ZMAT4: variants seen among roughly 807,000 people sequenced by gnomAD.
ZMAT4 encodes the protein zinc finger matrin-type protein 4.
A neutral mutation model predicts 28.7 loss-of-function variants in ZMAT4; 17 were observed. The ratio of observed to expected loss-of-function variants is 0.59; its 90% CI spans 0.41 to 0.89. ZMAT4 has a LOEUF of 0.89. Ranked by LOEUF, ZMAT4 falls within the 40% of genes least tolerant of loss-of-function variation. The pLI is 0.00. For missense variants in ZMAT4, 240 were observed against 283.8 expected (o/e 0.85, Z 1.11); for synonymous variants, 117 against 109.2 (o/e 1.07, Z -0.44).
intron 1 of ZMAT4, among the ~76,000 whole-genome samples, chr8:40,831,651 C>A (rs1342060176): frequency 1.3e-5 from 2 of 152,236 alleles, no homozygotes; most frequent in Non-Finnish European, 2.9e-5. Context: ...ACTTTCCACC[C>A]ATACTATCCC....
intron 2 of ZMAT4, among the ~76,000 whole-genome samples, chr8:40,806,319 CT>C (rs1815083663): frequency 6.6e-6 from 1 of 152,152 alleles, no homozygotes; most frequent in South Asian, 2.1e-4. Context: ...GTTTCTTTCT[CT>C]TTTTCTTTCT....
chr8:40,732,931 G>A (rs1199126917), intron 3 of ZMAT4, among the ~76,000 whole-genome samples: 11 of 134,958 alleles, frequency 8.2e-5, no homozygotes, highest in Admixed American at 1.8e-4. Flanking sequence ...CTGCATCTTC[G>A]AACTCCTGGG....
intron 3 of ZMAT4, among the ~76,000 whole-genome samples, chr8:40,749,973 A>G (rs564504298): frequency 3.4e-4 from 52 of 152,334 alleles, no homozygotes; most frequent in African/African-American, 1.2e-3. Flanking sequence ...GGGCAGGTGC[A>G]CAGTAGGGGT....
At chr8:40,714,572 C>G (rs1810762902) in intron 3 of ZMAT4, among the ~76,000 whole-genome samples, 1 of 152,118 alleles carries the variant, frequency 6.6e-6, no homozygotes, top group African/African-American at 2.4e-5. Context: ...GGTGTCAACC[C>G]TCCACCAGGC....
chr8:40,743,267 A>G (rs191188584), intron 3 of ZMAT4, among the ~76,000 whole-genome samples: 8 of 152,278 alleles, frequency 5.3e-5, no homozygotes, highest in Admixed American at 3.9e-4. Context: ...GCTTTAAAAC[A>G]TTTATTTGAT....
intron 2 of ZMAT4, among the ~76,000 whole-genome samples, chr8:40,798,843 A>G (rs1452677067): frequency 6.6e-6 from 1 of 152,134 alleles, no homozygotes; most frequent in Non-Finnish European, 1.5e-5. Context: ...TTAGCAGCAT[A>G]CAGACTTTCC....
intron 5 of ZMAT4, among the ~76,000 whole-genome samples, chr8:40,615,000 G>C (rs555975520): frequency 4.6e-4 from 70 of 152,290 alleles, no homozygotes; most frequent in African/African-American, 1.7e-3. Context: ...CTCTTTAGTT[G>C]ATGCAGTTTC....
intron 5 of ZMAT4, among the ~76,000 whole-genome samples, chr8:40,613,452 G>A (rs995934109): frequency 9.2e-5 from 14 of 152,012 alleles, no homozygotes; most frequent in South Asian, 2.1e-4. Flanking sequence ...CTAAAGTGCT[G>A]GGATTGCAAG....
At chr8:40,885,645 G>A (rs537722682) in intron 1 of ZMAT4, among the ~76,000 whole-genome samples, 13 of 152,274 alleles carry the variant, frequency 8.5e-5, no homozygotes, top group South Asian at 4.1e-4. Flanking sequence ...CTGAGCAATC[G>A]TTTTAAATCA....
chr8:40,575,156 C>T (rs1804219532), intron 6 of ZMAT4, among the ~76,000 whole-genome samples: 1 of 152,124 alleles, frequency 6.6e-6, no homozygotes, highest in Non-Finnish European at 1.5e-5. Flanking sequence ...GCAGGGAAGT[C>T]AACCCCAGGC....
chr8:40,727,472 C>T lies in ZMAT4; in HGVS notation c.193-30071G>A, dbSNP rs190709762. Among the ~76,000 whole-genome samples, 4 of 152,272 alleles carry T rather than the reference C, an allele frequency of 2.6e-5. No homozygotes were observed. In the East Asian group the frequency reaches 5.8e-4, roughly 22 times the overall value. Reference sequence around the variant, plus strand: ...AGCTTAATCCAACCACGATGCCACCCGTGGTGCTAAGTGGATGTATTTCTC... The same window carrying T: ...AGCTTAATCCAACCACGATGCCACCTGTGGTGCTAAGTGGATGTATTTCTC... On this transcript the variant is annotated intron_variant, in intron 3 of 6. Transcript: ENST00000297737.
At chr8:40,633,017 TCTGTGGATG>T (rs1806652285) in intron 5 of ZMAT4, among the ~76,000 whole-genome samples, 1 of 152,212 alleles carries the variant, frequency 6.6e-6, no homozygotes, top group African/African-American at 2.4e-5. Flanking sequence ...CTTTTGCCTT[TCTGTGGATG>T]GTTTTCATCC....
chr8:40,828,144 A>T (rs889539159), intron 1 of ZMAT4, among the ~76,000 whole-genome samples: 4 of 152,218 alleles, frequency 2.6e-5, no homozygotes, highest in African/African-American at 9.7e-5. Context: ...ACAATATCAT[A>T]GTCATTTGTA....
chr8:40,642,478 T>C (rs1016587599), intron 5 of ZMAT4, among the ~76,000 whole-genome samples: 62 of 152,348 alleles, frequency 4.1e-4, no homozygotes, highest in African/African-American at 1.4e-3. Context: ...TCAGACCATT[T>C]GGCTGTCCCA....
intron 6 of ZMAT4, among the ~76,000 whole-genome samples, chr8:40,554,376 TAAC>T (rs1298353569): frequency 6.6e-6 from 1 of 152,074 alleles, no homozygotes; most frequent in Non-Finnish European, 1.5e-5. Flanking sequence ...ATTAGTTAAT[TAAC>T]TACTAATTGG....
At chr8:40,618,232 G>A (rs1398781373) in intron 5 of ZMAT4, among the ~76,000 whole-genome samples, 1 of 152,112 alleles carries the variant, frequency 6.6e-6, no homozygotes, top group Admixed American at 6.5e-5. Context: ...ATAACAACGA[G>A]AAAACAAATT....
intron 6 of ZMAT4, among the ~76,000 whole-genome samples, chr8:40,580,388 A>G (rs375107253): frequency 6.6e-6 from 1 of 152,178 alleles, no homozygotes; most frequent in Non-Finnish European, 1.5e-5. Context: ...TGTTAAATTA[A>G]CATTCATAAT....
chr8:40,704,787 T>G (rs1372392199), intron 3 of ZMAT4, among the ~76,000 whole-genome samples: 3 of 152,360 alleles, frequency 2.0e-5, no homozygotes, highest in African/African-American at 7.2e-5. Flanking sequence ...TCCCTCGTTT[T>G]CTTACCAATA....
chr8:40,643,392 A>T (rs181853539), intron 5 of ZMAT4, among the ~76,000 whole-genome samples: 1 of 152,356 alleles, frequency 6.6e-6, no homozygotes, highest in East Asian at 1.9e-4. Flanking sequence ...TTGGAAAACC[A>T]TATTTCTTTA....
Sources: allele counts gnomAD v4.1 joint callset (sites outside exome capture counted in the v4.1 genomes callset), GRCh38; gene constraint gnomAD v4.1.1; transcripts MANE v1.5; gene names NCBI Gene and HGNC (gene_info 2026-07-23, HGNC 2026-07-21).